PTPRK: variants seen among roughly 807,000 people sequenced by gnomAD.
The protein encoded by PTPRK is protein tyrosine phosphatase receptor type K.
PTPRK carries 75 observed loss-of-function variants against 178.0 expected under a neutral mutation model. That is an observed-to-expected ratio of 0.42 (90% CI 0.35 to 0.51). The LOEUF (loss-of-function observed/expected upper bound fraction) is 0.51, where lower values mean the gene tolerates loss of function less well. Among genes scored for constraint, PTPRK ranks in the 20% least tolerant of loss-of-function variants. The pLI, the probability that PTPRK is intolerant of heterozygous loss-of-function variation, is 0.02. For missense variants in PTPRK, 1,441 were observed against 1,797.8 expected (o/e 0.80, Z 3.59); for synonymous variants, 637 against 620.6 (o/e 1.03, Z -0.39).
chr6:128,012,142 A>T (rs1460519169), intron 13 of PTPRK, among the ~76,000 whole-genome samples: 1 of 151,232 alleles, frequency 6.6e-6, no homozygotes, highest in Non-Finnish European at 1.5e-5. Context: ...TTGACTGTGA[A>T]TTCTCCTCAA....
chr6:128,324,168 C>T (rs1829228961), intron 2 of PTPRK, among the ~76,000 whole-genome samples: 1 of 152,120 alleles, frequency 6.6e-6, no homozygotes, highest in Non-Finnish European at 1.5e-5. Flanking sequence ...TTCTCCACTA[C>T]TATAACAGTT....
At chr6:128,424,620 G>A (rs1356572719) in intron 1 of PTPRK, among the ~76,000 whole-genome samples, 3 of 151,992 alleles carry the variant, frequency 2.0e-5, no homozygotes, top group Admixed American at 2.0e-4. Flanking sequence ...CATCTCCTTC[G>A]GCCCAAAGGC....
chr6:128,096,234 T>G (rs905359605), intron 7 of PTPRK, among the ~76,000 whole-genome samples: 8 of 152,188 alleles, frequency 5.3e-5, no homozygotes, highest in Admixed American at 2.6e-4. Context: ...TAACCCAACT[T>G]GATAGGCTAA....
At chr6:128,137,983 C>T (rs566436199) in intron 7 of PTPRK, among the ~76,000 whole-genome samples, 11 of 151,978 alleles carry the variant, frequency 7.2e-5, no homozygotes, top group Non-Finnish European at 1.2e-4. Context: ...TGTAAACATC[C>T]GGCACATATT....
At chr6:128,077,315 C>A (rs546218357) in intron 11 of PTPRK, among the ~76,000 whole-genome samples, 1 of 151,964 alleles carries the variant, frequency 6.6e-6, no homozygotes, top group African/African-American at 2.4e-5. Flanking sequence ...GCACTATATA[C>A]GTACTTTGAA....
chr6:128,171,867 G>T (rs1390207461), intron 7 of PTPRK, among the ~76,000 whole-genome samples: 1 of 151,808 alleles, frequency 6.6e-6, no homozygotes, highest in African/African-American at 2.4e-5. Context: ...ATGTATACAT[G>T]TTTCAGTCAA....
intron 7 of PTPRK, among the ~76,000 whole-genome samples, chr6:128,119,268 T>TC (rs1792066793): frequency 6.6e-6 from 1 of 151,916 alleles, no homozygotes; most frequent in African/African-American, 2.4e-5. Context: ...ATGTGTTTTT[T>TC]GGTTTTTTTT....
intron 7 of PTPRK, among the ~76,000 whole-genome samples, chr6:128,134,069 T>A (rs1042167463): frequency 6.6e-6 from 1 of 152,228 alleles, no homozygotes; most frequent in Non-Finnish European, 1.5e-5. Flanking sequence ...AATACTATTA[T>A]TGCAATATCA....
intron 1 of PTPRK, among the ~76,000 whole-genome samples, chr6:128,467,606 T>A (rs375444402): frequency 6.6e-6 from 1 of 152,214 alleles, no homozygotes. Flanking sequence ...ATACCGGTGA[T>A]CACTTACTTC....
intron 2 of PTPRK, among the ~76,000 whole-genome samples, chr6:128,390,921 C>T (rs947371609): frequency 2.0e-5 from 3 of 152,002 alleles, no homozygotes; most frequent in African/African-American, 7.2e-5. Flanking sequence ...GTGCTTGAGT[C>T]TGCAACATCA....
At chr6:128,472,630 A>T (rs1850852841) in intron 1 of PTPRK, 1 of 279,030 alleles carries the variant, frequency 3.6e-6, no homozygotes, top group Admixed American at 4.9e-5. Context: ...CTACATATTA[A>T]TATTTTTAAA....
At position 127,981,271 on chromosome 6, in the gene PTPRK, G is replaced by C; in HGVS notation, c.3556C>G (p.Pro1186Ala). The C allele has an allele frequency of 6.2e-7, 1 of 1,613,570 alleles. No individual in the cohort carries two copies. The highest frequency in any genetic ancestry group is 8.5e-7 in the Non-Finnish European group (1 of 1,179,796). ...DEFQTLNSVT[P>A]RLQAEDCSIA... ...CTGCAGTCTTCAGCTTGTAGTCGAG[G>C]GGTGACTGAATTCAGAGTCTAAAAA... Residue 1186 changes from proline (P) to alanine (A), a missense_variant, in exon 25 of 30, where the codon CCT (proline) becomes GCT (alanine). Transcript: ENST00000368226.
intron 5 of PTPRK, among the ~76,000 whole-genome samples, chr6:128,228,023 T>C (rs1227658217): frequency 6.6e-6 from 1 of 151,436 alleles, no homozygotes. Context: ...ATGTAGGTGA[T>C]GGGTTGATGA....
chr6:128,380,450 T>A (rs138431818), intron 2 of PTPRK, among the ~76,000 whole-genome samples: 213 of 152,006 alleles, frequency 1.4e-3, no homozygotes, highest in Non-Finnish European at 2.2e-3. Context: ...TTGTACTCTA[T>A]AGAATTCTGC....
At chr6:128,050,840 C>T (rs536374398) in intron 13 of PTPRK, among the ~76,000 whole-genome samples, 5 of 152,116 alleles carry the variant, frequency 3.3e-5, no homozygotes, top group South Asian at 2.1e-4. Flanking sequence ...GGCATACAGC[C>T]GATACTAGGA....
intron 7 of PTPRK, among the ~76,000 whole-genome samples, chr6:128,152,898 A>G (rs1023516426): frequency 6.6e-6 from 1 of 152,000 alleles, no homozygotes; most frequent in Non-Finnish European, 1.5e-5. Context: ...AGGGGACATC[A>G]TCTAAGTCTA....
At chr6:128,217,117 C>G (rs1349751752) in intron 6 of PTPRK, among the ~76,000 whole-genome samples, 1 of 152,134 alleles carries the variant, frequency 6.6e-6, no homozygotes, top group Admixed American at 6.5e-5. Context: ...CCCAAGGACA[C>G]CTTCAGGCTT....
intron 18 of PTPRK, among the ~76,000 whole-genome samples, chr6:127,994,856 TC>T: frequency 6.6e-6 from 1 of 152,044 alleles, no homozygotes; most frequent in Middle Eastern, 3.4e-3. Context: ...CAAAATAGTC[TC>T]CCTACTCATT....
At chr6:128,513,984 G>A (rs1364917572) in intron 1 of PTPRK, among the ~76,000 whole-genome samples, 5 of 152,140 alleles carry the variant, frequency 3.3e-5, no homozygotes, top group African/African-American at 1.2e-4. Flanking sequence ...CACTTAAGCA[G>A]CTGCTAGGTC....
Sources: gnomAD v4.1 joint callset for allele counts (sites outside exome capture counted in the v4.1 genomes callset) on GRCh38, gnomAD v4.1.1 for gene constraint, MANE v1.5 for transcripts, NCBI Gene and HGNC (gene_info 2026-07-23, HGNC 2026-07-21) for gene names.